The following CHODL variants were observed in gnomAD, a reference collection of about 807,000 sequenced individuals.
The protein encoded by CHODL is chondrolectin, also known as transmembrane protein MT75.
Under a neutral mutation model 34.5 loss-of-function variants are expected in CHODL, and 29 were observed. That is an observed-to-expected ratio of 0.84 (90% CI 0.63 to 1.15). The LOEUF is 1.15. Ranked by LOEUF, CHODL falls within the 50% of genes most tolerant of loss-of-function variation. CHODL has a pLI of 0.00. For missense variants in CHODL, 332 were observed against 332.5 expected (o/e 1.00, Z 0.01); for synonymous variants, 125 against 116.1 (o/e 1.08, Z -0.49).
chr21:18,228,783 C>T (rs939711179), intron 2 of CHODL, among the ~76,000 whole-genome samples: 1 of 152,094 alleles, frequency 6.6e-6, no homozygotes, highest in Non-Finnish European at 1.5e-5. Context: ...GATGCTTCAT[C>T]TTAACTAAAA....
chr21:18,175,515 C>T (rs902026185), intron 2 of CHODL, among the ~76,000 whole-genome samples: 1 of 151,790 alleles, frequency 6.6e-6, no homozygotes, highest in African/African-American at 2.4e-5. Flanking sequence ...ATTGCGTGAA[C>T]CTGGGAGGCG....
chr21:18,079,050 G>A (rs1446423304), intron 2 of CHODL, among the ~76,000 whole-genome samples: 1 of 152,104 alleles, frequency 6.6e-6, no homozygotes, highest in Non-Finnish European at 1.5e-5. Flanking sequence ...TAGTGGTAAA[G>A]CCTGGGCTTT....
intron 1 of CHODL, among the ~76,000 whole-genome samples, chr21:17,924,023 G>A (rs1308589256): frequency 1.3e-5 from 2 of 152,146 alleles, no homozygotes; most frequent in Non-Finnish European, 2.9e-5. Flanking sequence ...GTTGAGGAAC[G>A]TGAGGGTCTC....
At chr21:17,969,498 C>A (rs1364356776) in intron 1 of CHODL, among the ~76,000 whole-genome samples, 1 of 152,074 alleles carries the variant, frequency 6.6e-6, no homozygotes, top group East Asian at 1.9e-4. Context: ...GGCTTTATAG[C>A]CTAAATGCTG....
intron 2 of CHODL, among the ~76,000 whole-genome samples, chr21:18,084,524 C>G (rs767374936): frequency 1.3e-5 from 2 of 152,054 alleles, no homozygotes; most frequent in African/African-American, 4.8e-5. Context: ...TTCATTGACC[C>G]AGTGATCATT....
At chr21:18,216,323 A>G (rs1376700998) in intron 2 of CHODL, among the ~76,000 whole-genome samples, 1 of 152,188 alleles carries the variant, frequency 6.6e-6, no homozygotes, top group Non-Finnish European at 1.5e-5. Flanking sequence ...AAAATAGACG[A>G]TAAATTTTTG....
intron 2 of CHODL, among the ~76,000 whole-genome samples, chr21:18,154,845 C>CT (rs1394113457): frequency 1.3e-5 from 2 of 152,102 alleles, no homozygotes; most frequent in African/African-American, 4.8e-5. Context: ...TCACTGCTCT[C>CT]TAACAGCTTA....
intron 2 of CHODL, among the ~76,000 whole-genome samples, chr21:18,056,652 C>T (rs993136823): frequency 5.3e-5 from 8 of 151,738 alleles, no homozygotes; most frequent in Non-Finnish European, 8.8e-5. Flanking sequence ...TTTTTAAATT[C>T]CTCCTATTTT....
intron 2 of CHODL, among the ~76,000 whole-genome samples, chr21:18,127,099 G>A (rs1365396043): frequency 6.6e-6 from 1 of 152,130 alleles, no homozygotes; most frequent in Admixed American, 6.5e-5. Flanking sequence ...ACAGGATATT[G>A]AAGAGATACC....
At chr21:18,108,623 G>T (rs1478714785) in intron 2 of CHODL, among the ~76,000 whole-genome samples, 1 of 152,124 alleles carries the variant, frequency 6.6e-6, no homozygotes, top group Non-Finnish European at 1.5e-5. Flanking sequence ...CTGCCCCCCA[G>T]TACTGCCTTG....
chr21:18,028,245 C>CTTTT (rs1407906577), intron 2 of CHODL, among the ~76,000 whole-genome samples: 1,170 of 114,196 alleles, frequency 0.01, 74 homozygotes, highest in African/African-American at 0.025. Flanking sequence ...CTTCCCCTTC[C>CTTTT]CCTTTTCCTT....
chr21:18,159,286 T>C (rs531562662), intron 2 of CHODL, among the ~76,000 whole-genome samples: 42 of 152,306 alleles, frequency 2.8e-4, no homozygotes, highest in South Asian at 1.5e-3. Context: ...TTTCAAAGTA[T>C]GTTTAAACAC....
Position 18,158,742 on chromosome 21 carries a change from G to A in CHODL, c.-44-97767G>A, listed in dbSNP as rs2073061776. 3.3e-5 allele frequency among the ~76,000 whole-genome samples: 5 copies of A among 151,788 alleles called. No individual in the cohort carries two copies. In the South Asian group the frequency reaches 1.0e-3, roughly 31 times the overall value. Reference sequence around the variant, plus strand: ...AATCCCAGCTACTCGGGAGGCTGAGGCAGGAAAATCGCTTGAACCCGGGAG... The same window carrying A: ...AATCCCAGCTACTCGGGAGGCTGAGACAGGAAAATCGCTTGAACCCGGGAG... On this transcript the variant is annotated intron_variant, in intron 2 of 6. Transcript: ENST00000400127.
chr21:18,015,218 G>T (rs1446166697), intron 1 of CHODL, among the ~76,000 whole-genome samples: 1 of 152,168 alleles, frequency 6.6e-6, no homozygotes, highest in East Asian at 1.9e-4. Context: ...GATCATGGGG[G>T]TGGATTTCCC....
At chr21:18,156,525 T>C (rs1011957263) in intron 2 of CHODL, among the ~76,000 whole-genome samples, 7 of 152,214 alleles carry the variant, frequency 4.6e-5, no homozygotes, top group South Asian at 2.1e-4. Flanking sequence ...TTCATATAAC[T>C]GTCAATGCAA....
In CHODL at chr21:18,262,684, T is replaced by C. The variant is rs138807128; in HGVS notation, c.635-107T>C. On this transcript the variant is annotated intron_variant, in intron 4 of 5. Coordinates refer to ENST00000299295, the MANE Select transcript of CHODL (RefSeq NM_024944.3). Reference sequence around the variant, plus strand: ...TTTGAGAAGAACTTTGGGGTCAATTTATTGAAAATTCTATTTCACCTGAAT... The same window carrying C: ...TTTGAGAAGAACTTTGGGGTCAATTCATTGAAAATTCTATTTCACCTGAAT... The C allele has an allele frequency of 5.8e-3, 3,895 of 668,376 alleles. 100 individuals are homozygous for C. In the African/African-American group the frequency reaches 0.062, roughly 11 times the overall value. The allele number at this position is 668,376 out of a possible 1,614,324, so 41.4% of individuals were successfully genotyped here.
chr21:18,207,341 A>G (rs2073723784), intron 2 of CHODL, among the ~76,000 whole-genome samples: 1 of 152,228 alleles, frequency 6.6e-6, no homozygotes, highest in African/African-American at 2.4e-5. Flanking sequence ...AGATAAAACG[A>G]ATAAAAACTC....
At chr21:18,127,151 G>C (rs547015071) in intron 2 of CHODL, among the ~76,000 whole-genome samples, 1 of 152,134 alleles carries the variant, frequency 6.6e-6, no homozygotes, top group African/African-American at 2.4e-5. Flanking sequence ...TGGGGAAAGA[G>C]AGAATGAGGA....
chr21:18,195,944 G>A (rs1276053284), intron 2 of CHODL, among the ~76,000 whole-genome samples: 1 of 152,200 alleles, frequency 6.6e-6, no homozygotes, highest in African/African-American at 2.4e-5. Context: ...GAGAAGGTCA[G>A]AGGCATGTGA....
Sources: gnomAD v4.1 joint callset for allele counts (sites outside exome capture counted in the v4.1 genomes callset) on GRCh38, gnomAD v4.1.1 for gene constraint, MANE v1.5 for transcripts, NCBI Gene and HGNC (gene_info 2026-07-23, HGNC 2026-07-21) for gene names.